The following CPEB1 variants were observed in gnomAD, a reference collection of about 807,000 sequenced individuals.
The protein encoded by CPEB1 is cytoplasmic polyadenylation element-binding protein 1.
In CPEB1, 7 loss-of-function variants were observed where a neutral mutation model predicts 65.8. That is an observed-to-expected ratio of 0.11 (90% CI 0.06 to 0.20). The LOEUF (loss-of-function observed/expected upper bound fraction) is 0.20, where lower values mean the gene tolerates loss of function less well. Ranked by LOEUF, CPEB1 falls within the 10% of genes least tolerant of loss-of-function variation. The pLI, the probability that CPEB1 is intolerant of heterozygous loss-of-function variation, is 1.00. For missense variants in CPEB1, 551 were observed against 712.2 expected, an observed-to-expected ratio of 0.77 and a Z score of 2.58; for synonymous variants, 262 against 260.0, an observed-to-expected ratio of 1.01 and a Z score of -0.08.
chr15:82,591,842 CTT>C (rs771971142), intron 3 of CPEB1, among the ~76,000 whole-genome samples: 71 of 133,996 alleles, frequency 5.3e-4, no homozygotes, highest in African/African-American at 6.0e-4. Context: ...TGTATCAGAA[CTT>C]TTTTTTTTTT....
intron 1 of CPEB1, among the ~76,000 whole-genome samples, chr15:82,635,817 T>A (rs1025849242): frequency 1.3e-5 from 2 of 152,130 alleles, no homozygotes; most frequent in African/African-American, 2.4e-5. Flanking sequence ...GGCTAGAGAA[T>A]AATGAAAATG....
chr15:82,643,299 T>G lies in CPEB1; in HGVS notation c.-98+3838A>C, dbSNP rs182896262. 3.1e-4 allele frequency among the ~76,000 whole-genome samples: 47 copies of G among 152,320 alleles called. No individual in the cohort carries two copies. In the Middle Eastern group the frequency reaches 0.014, roughly 44 times the overall value. Reference sequence around the variant, plus strand: ...TTACATTCTCACAGAAAAAAATTCTTTGGCAAAAGCTCTGAATATGCTTTT... The same window carrying G: ...TTACATTCTCACAGAAAAAAATTCTGTGGCAAAAGCTCTGAATATGCTTTT... On this transcript the variant is annotated intron_variant, in intron 1 of 12. Transcript: ENST00000684509.
intron 1 of CPEB1, chr15:82,629,179 C>G (rs1379948359): frequency 6.7e-6 from 5 of 742,340 alleles, no homozygotes; most frequent in Non-Finnish European, 8.2e-6. Flanking sequence ...GTTACTTAAC[C>G]TCTATCCCTC....
At chr15:82,552,268 A>G (rs972523040) in intron 9 of CPEB1, among the ~76,000 whole-genome samples, 3 of 151,236 alleles carry the variant, frequency 2.0e-5, no homozygotes, top group African/African-American at 7.3e-5. Context: ...GCATGTGTGC[A>G]TGCACACACC....
At chr15:82,567,051 A>G (rs2039249287) in intron 4 of CPEB1, among the ~76,000 whole-genome samples, 1 of 152,164 alleles carries the variant, frequency 6.6e-6, no homozygotes, top group Admixed American at 6.5e-5. Context: ...TATGTATTAG[A>G]CAGCCATTAG....
At position 82,553,976 on chromosome 15, in the gene CPEB1, G is replaced by A; in HGVS notation, c.956C>T (p.Thr319Ile). The change falls in exon 7 of 13, where the codon ACC (threonine) becomes ATC (isoleucine). Residue 319 changes from threonine (T) to isoleucine (I), a missense_variant. Transcript: ENST00000684509. ...AGGAAGCTGGCCACTCCAGGTACAG[G>A]TGGCTTCATTCACAGCTTTGGTAGA... The part of the protein sequence containing the change: ...HRQAAAVNEA[T>I]CTWSGQLPPR... 6.2e-7 allele frequency: 1 copy of A among 1,604,980 alleles called. No homozygotes were observed. Among genetic ancestry groups the A allele is most frequent in the Non-Finnish European group, 8.5e-7 (1 of 1,177,130 alleles).
intron 3 of CPEB1, among the ~76,000 whole-genome samples, chr15:82,625,647 TACC>T (rs1170105254): frequency 6.6e-6 from 1 of 152,180 alleles, no homozygotes; most frequent in Non-Finnish European, 1.5e-5. Flanking sequence ...ATCCCTTGAA[TACC>T]ACATTTTCCA....
intron 12 of CPEB1, among the ~76,000 whole-genome samples, 153 bp from the exon 13 acceptor site, chr15:82,544,855 C>G (rs2034879685): frequency 6.6e-6 from 1 of 152,282 alleles, no homozygotes; most frequent in Non-Finnish European, 1.5e-5. Flanking sequence ...AATGCTCTCA[C>G]CCCAACACAG....
At chr15:82,594,888 G>T (rs2042559041) in intron 3 of CPEB1, among the ~76,000 whole-genome samples, 1 of 152,182 alleles carries the variant, frequency 6.6e-6, no homozygotes, top group Non-Finnish European at 1.5e-5. Context: ...CAGGAGAACG[G>T]CCGACTGGTG....
chr15:82,553,622 C>T (rs1430402030), intron 7 of CPEB1, 66 bp from the exon 8 acceptor site: 2 of 1,165,910 alleles, frequency 1.7e-6, no homozygotes, highest in Non-Finnish European at 2.5e-6. Flanking sequence ...GACACAAACA[C>T]AGAATCACCA....
chr15:82,599,855 T>C (rs540727926), intron 3 of CPEB1, among the ~76,000 whole-genome samples: 7 of 151,844 alleles, frequency 4.6e-5, no homozygotes, highest in Non-Finnish European at 8.8e-5. Flanking sequence ...TGAGGTACAA[T>C]AGGGGAAAAG....
chr15:82,557,825 T>C lies in CPEB1; in HGVS notation c.622A>G (p.Ser208Gly), dbSNP rs2037490433. The C allele has an allele frequency of 6.2e-7, 1 of 1,614,156 alleles. No homozygotes were observed. Among genetic ancestry groups the C allele is most frequent in the Non-Finnish European group, 8.5e-7 (1 of 1,180,024 alleles). ...DTRPILDSRS[S>G]SPSDSDTSGF... ...CTGGTGTCTGAGTCAGAGGGGCTGCTAGATCGAGAGTCCAGGATGGGCCGG... is the reference window on the plus strand; with the variant it reads ...CTGGTGTCTGAGTCAGAGGGGCTGCCAGATCGAGAGTCCAGGATGGGCCGG... The change falls in exon 5 of 13, where the codon AGC (serine) becomes GGC (glycine). Residue 208 changes from serine (S) to glycine (G), a missense_variant. Ser to Gly is a moderately conservative substitution (Grantham distance 56, BLOSUM62 0). Transcript: ENST00000684509.
At chr15:82,552,401 C>T in intron 9 of CPEB1, 79 bp downstream of exon 9, 1 of 1,418,176 alleles carries the variant, frequency 7.1e-7, no homozygotes, top group Admixed American at 2.6e-5. Context: ...TGCAGCCTGC[C>T]TATCCACCTA....
At chr15:82,646,015 GT>G (rs1442596790) in intron 1 of CPEB1, among the ~76,000 whole-genome samples, 2 of 152,138 alleles carry the variant, frequency 1.3e-5, no homozygotes, top group Non-Finnish European at 2.9e-5. Context: ...CGTCCCCAGG[GT>G]TTTCCGACAG....
intron 3 of CPEB1, among the ~76,000 whole-genome samples, chr15:82,603,041 T>C (rs1332357760): frequency 6.6e-6 from 1 of 152,154 alleles, no homozygotes; most frequent in East Asian, 1.9e-4. Context: ...AGTATTTGTT[T>C]AAAAAATAAA....
chr15:82,561,931 G>A (rs1283696422), intron 4 of CPEB1, among the ~76,000 whole-genome samples: 2 of 152,184 alleles, frequency 1.3e-5, no homozygotes, highest in East Asian at 1.9e-4. Context: ...TCTGGACCAG[G>A]TTCAGTTAAG....
intron 1 of CPEB1, chr15:82,629,533 C>T: frequency 2.0e-6 from 2 of 985,256 alleles, no homozygotes; most frequent in South Asian, 4.7e-5. Context: ...CACCACCATC[C>T]ACCAGATGCC....
At chr15:82,595,862 G>A (rs1172286981) in intron 3 of CPEB1, among the ~76,000 whole-genome samples, 1 of 152,146 alleles carries the variant, frequency 6.6e-6, no homozygotes, top group East Asian at 1.9e-4. Context: ...GATATCACTA[G>A]AAAAGAAGTA....
At chr15:82,563,061 T>C (rs1297121067) in intron 4 of CPEB1, among the ~76,000 whole-genome samples, 1 of 151,922 alleles carries the variant, frequency 6.6e-6, no homozygotes, top group East Asian at 1.9e-4. Context: ...AAAAAAAGAA[T>C]GGTAAGGATT....
Sources: allele counts gnomAD v4.1 joint callset (sites outside exome capture counted in the v4.1 genomes callset), GRCh38; gene constraint gnomAD v4.1.1; transcripts MANE v1.5; gene names NCBI Gene and HGNC (gene_info 2026-07-23, HGNC 2026-07-21).